Variants in PAQR3 observed in about 807,000 individuals in gnomAD.
PAQR3 encodes progestin and adipoQ receptor family member 3, also known as Raf kinase trapping to Golgi.
In PAQR3, 39 loss-of-function variants were observed where a neutral mutation model predicts 41.7. That is an observed-to-expected ratio of 0.93 (90% confidence interval 0.72 to 1.22). The LOEUF (loss-of-function observed/expected upper bound fraction) is 1.22, where lower values mean the gene tolerates loss of function less well. Among genes scored for constraint, PAQR3 ranks in the 50% most tolerant of loss-of-function variants. PAQR3 has a pLI of 0.00. For missense variants in PAQR3, 366 were observed against 385.6 expected (o/e 0.95, Z 0.42); for synonymous variants, 140 against 140.6 (o/e 1.00, Z 0.03).
chr4:78,933,002 T>A (rs1292874536), intron 2 of PAQR3: 1 of 354,688 alleles, frequency 2.8e-6, no homozygotes, highest in Non-Finnish European at 5.6e-6. Flanking sequence ...AAATACCTCA[T>A]GATTTGATCC....
intron 2 of PAQR3, among the ~76,000 whole-genome samples, chr4:78,934,775 A>G (rs1208871012): frequency 1.3e-5 from 2 of 152,258 alleles, no homozygotes; most frequent in South Asian, 4.1e-4. Context: ...GAAAGAGATG[A>G]GAAATCTTCC....
chr4:78,938,562 T>C (rs6534085), intron 1 of PAQR3, among the ~76,000 whole-genome samples: 116,669 of 152,000 alleles, frequency 0.77, 44,949 homozygotes, highest in Non-Finnish European at 0.81. Context: ...CCATGTTTGC[T>C]TTTTTTTCTG....
chr4:78,891,926 T>C (rs1733460455), intron 11 of PAQR3, among the ~76,000 whole-genome samples: 1 of 152,164 alleles, frequency 6.6e-6, no homozygotes, highest in Non-Finnish European at 1.5e-5. Flanking sequence ...ATGAGACTAG[T>C]GGGAAATGCC....
chr4:78,900,105 C>A (rs1048100138), intron 11 of PAQR3, among the ~76,000 whole-genome samples: 2 of 152,148 alleles, frequency 1.3e-5, no homozygotes, highest in East Asian at 3.9e-4. Flanking sequence ...CAAGAACAAC[C>A]CCTCTTCTTT....
rs1396716276 is a variant in PAQR3, at chr4:78,913,543, C to T, written c.*6996G>A. The T allele has an allele frequency of 3.9e-5, 6 of 152,248 alleles. No individual in the cohort carries two copies. The South Asian group carries it at 8.3e-4, about 21-fold the overall frequency. The allele number at this position is 152,248 out of a possible 1,614,324, so 9.4% of individuals were successfully genotyped here. A position where few individuals can be genotyped will look rare whatever the true frequency, so the allele number is the denominator to read the frequency against. On this transcript the variant is annotated 3_prime_UTR_variant, in exon 6 of 6. Coordinates refer to ENST00000512733, the MANE Select transcript of PAQR3 (RefSeq NM_001040202.2). ...TGCTATTTACAGAAAGGAGTAGAAA[C>T]TCATCAACTGGCACTCTCTTTGATT... is the stretch of plus-strand genomic sequence containing the variant.
At position 78,919,190 on chromosome 4, in the gene PAQR3, A is replaced by T; in HGVS notation, c.*1349T>A. 1.0e-6 allele frequency: 1 copy of T among 985,160 alleles called. No individual in the cohort carries two copies. Among genetic ancestry groups the T allele is most frequent in the Non-Finnish European group, 1.2e-6 (1 of 829,754 alleles). 61.0% of individuals were successfully genotyped at this position (985,160 alleles called of 1,614,324 possible). On this transcript the variant is annotated 3_prime_UTR_variant, in exon 6 of 6. Coordinates refer to ENST00000512733, the MANE Select transcript of PAQR3 (RefSeq NM_001040202.2). ...AGGCATTTTGGGAATAAGCTTCATCATCAATTAACATTTTTTCTGATATTC... is the reference window on the plus strand; with the variant it reads ...AGGCATTTTGGGAATAAGCTTCATCTTCAATTAACATTTTTTCTGATATTC...
At position 78,939,382 on chromosome 4, in the gene PAQR3, C is replaced by A. The variant is rs542813764; in HGVS notation, c.-158G>T. ...GCTGCCCAGGGCCCGGCTCTGCGCTCACACCGGCCACTGCCGCCAGCGCCG... is the reference window on the plus strand; with the variant it reads ...GCTGCCCAGGGCCCGGCTCTGCGCTAACACCGGCCACTGCCGCCAGCGCCG... On this transcript the variant is annotated 5_prime_UTR_variant, in exon 1 of 6. Coordinates refer to ENST00000512733, the MANE Select transcript of PAQR3 (RefSeq NM_001040202.2). 609 of 470,104 alleles carry A rather than the reference C, an allele frequency of 1.3e-3. 4 individuals carry two copies. The highest frequency in any genetic ancestry group is 0.011 in the African/African-American group (553 of 48,308). 29.1% of individuals were successfully genotyped at this position (470,104 alleles called of 1,614,324 possible).
downstream of PAQR3, among the ~76,000 whole-genome samples, chr4:78,906,918 G>T (rs900713075): frequency 3.3e-5 from 5 of 152,102 alleles, no homozygotes; most frequent in African/African-American, 1.2e-4. Flanking sequence ...ACCTTGTCAG[G>T]ATTATTATTG....
At chr4:78,922,314 AG>A (rs1446774059) in intron 5 of PAQR3, 1 of 1,283,662 alleles carries the variant, frequency 7.8e-7, no homozygotes, top group Non-Finnish European at 1.0e-6. Flanking sequence ...GGAATGCCTG[AG>A]GATCTGTGGG....
chr4:78,894,786 C>T (rs577344292), intron 11 of PAQR3, among the ~76,000 whole-genome samples: 79 of 152,282 alleles, frequency 5.2e-4, no homozygotes, highest in African/African-American at 1.8e-3. Flanking sequence ...GCGTGCTTTC[C>T]TCTCTAAGCT....
At chr4:78,933,046 C>A in intron 2 of PAQR3, 1 of 400,756 alleles carries the variant, frequency 2.5e-6, no homozygotes, top group Admixed American at 2.9e-5. Context: ...TTTCTCCATT[C>A]TCCTAGGTTT....
At chr4:78,932,148 T>C (rs1253512174) in intron 2 of PAQR3, among the ~76,000 whole-genome samples, 1 of 152,222 alleles carries the variant, frequency 6.6e-6, no homozygotes, top group African/African-American at 2.4e-5. Flanking sequence ...ATCTAGTTAC[T>C]ATAGACTCAA....
In PAQR3 at chr4:78,926,672, G is replaced by T. The variant is rs758108436; in HGVS notation, c.551C>A (p.Ala184Glu). 2.5e-6 allele frequency: 4 copies of T among 1,614,004 alleles called. 1 individual carries two copies. In the South Asian group the frequency reaches 4.4e-5, roughly 18 times the overall value. ...GGGATGAATCTGCGCAAAGAACACT[G>T]CCAGGATCATAGCAAGCACTGTGAT... is the stretch of plus-strand genomic sequence containing the variant. The part of the protein sequence containing the change: ...YLITVLAMIL[A>E]VFFAQIHPNY... Residue 184 changes from alanine (A) to glutamate (E), a missense_variant, in exon 4 of 6, where the codon GCA (alanine) becomes GAA (glutamate). Coordinates refer to ENST00000512733, the MANE Select transcript of PAQR3 (RefSeq NM_001040202.2).
At chr4:78,910,860 T>G (rs763409505), downstream of PAQR3, 64 of 1,613,824 alleles carry the variant, frequency 4.0e-5, no homozygotes, top group East Asian at 1.4e-3. Context: ...AACAAGGAGA[T>G]TTTAATGATG....
rs1735908983 is a variant in PAQR3 at position 78,923,846 on chromosome 4, G to A, written c.793+11C>T. The A allele has an allele frequency of 6.3e-7, 1 of 1,576,202 alleles. No individual in the cohort carries two copies. Among genetic ancestry groups the A allele is most frequent in the Admixed American group, 1.7e-5 (1 of 59,852 alleles). On this transcript the variant is annotated intron_variant, in intron 5 of 5. Coordinates refer to ENST00000512733, the MANE Select transcript of PAQR3 (RefSeq NM_001040202.2). ...CTAACAATACAAAACTGCTATAAAA[G>A]AGATACCTACCTGGAAAGTACCGCT...
At chr4:78,934,667 C>G (rs1030269757) in intron 2 of PAQR3, among the ~76,000 whole-genome samples, 5 of 152,056 alleles carry the variant, frequency 3.3e-5, no homozygotes, top group Admixed American at 6.6e-5. Context: ...AATAAATTAA[C>G]ATTAAAGCAA....
At chr4:78,935,070 GC>G (rs758943462) in intron 2 of PAQR3, 50 bp downstream of exon 2, 3 of 1,572,144 alleles carry the variant, frequency 1.9e-6, no homozygotes, top group Non-Finnish European at 2.6e-6. Context: ...GACCAAGACT[GC>G]CTGTCAAAAA....
chr4:78,933,554 A>G (rs1737130582), intron 2 of PAQR3, among the ~76,000 whole-genome samples: 1 of 152,226 alleles, frequency 6.6e-6, no homozygotes, highest in Non-Finnish European at 1.5e-5. Flanking sequence ...TGAACAAGTT[A>G]TAATTTGATA....
At chr4:78,930,808 ATG>A (rs1736782333) in intron 2 of PAQR3, among the ~76,000 whole-genome samples, 1 of 151,922 alleles carries the variant, frequency 6.6e-6, no homozygotes, top group Non-Finnish European at 1.5e-5. Context: ...AACATTTTTT[ATG>A]TGTCTTTCCA....
Sources: gnomAD v4.1 joint callset for allele counts (sites outside exome capture counted in the v4.1 genomes callset) on GRCh38, gnomAD v4.1.1 for gene constraint, MANE v1.5 for transcripts, NCBI Gene and HGNC (gene_info 2026-07-23, HGNC 2026-07-21) for gene names.